KCNH8: variants seen among roughly 807,000 people sequenced by gnomAD.
KCNH8 encodes voltage-gated delayed rectifier potassium channel KCNH8.
In KCNH8, 70 loss-of-function variants were observed where a neutral mutation model predicts 103.6. The observed-to-expected ratio is 0.68, with a 90% CI of 0.56 to 0.82. The LOEUF (loss-of-function observed/expected upper bound fraction) is 0.82. Ranked by LOEUF, KCNH8 falls within the 40% of genes least tolerant of loss-of-function variation. The pLI, the probability that KCNH8 is intolerant of heterozygous loss-of-function variation, is 0.00. For synonymous variants in KCNH8, 498 were observed against 489.4 expected, an observed-to-expected ratio of 1.02 and a Z score of -0.23; for missense variants, 1,217 against 1,329.9, an observed-to-expected ratio of 0.92 and a Z score of 1.32.
chr3:19,435,942 G>A (rs2067192791), intron 7 of KCNH8, among the ~76,000 whole-genome samples: 1 of 152,046 alleles, frequency 6.6e-6, no homozygotes, highest in African/African-American at 2.4e-5. Context: ...GTAAACCAAA[G>A]TATATTATTG....
At chr3:19,419,550 T>C (rs1412585366) in intron 7 of KCNH8, among the ~76,000 whole-genome samples, 1 of 152,128 alleles carries the variant, frequency 6.6e-6, no homozygotes, top group East Asian at 1.9e-4. Context: ...ACTGCCAAAA[T>C]GTCTATGCTG....
At chr3:19,172,315 C>T (rs1368334279) in intron 1 of KCNH8, among the ~76,000 whole-genome samples, 2 of 152,052 alleles carry the variant, frequency 1.3e-5, no homozygotes, top group Non-Finnish European at 2.9e-5. Flanking sequence ...TTCTCTTCTC[C>T]ATAAGAATAC....
intron 11 of KCNH8, among the ~76,000 whole-genome samples, chr3:19,488,347 C>T (rs1008596486): frequency 9.9e-5 from 15 of 152,216 alleles, no homozygotes; most frequent in African/African-American, 3.4e-4. Context: ...GCCTGGTGTT[C>T]GGCTTTCTCA....
chr3:19,354,031 CAA>C (rs1489494870), intron 5 of KCNH8, among the ~76,000 whole-genome samples: 2 of 152,170 alleles, frequency 1.3e-5, no homozygotes, highest in East Asian at 1.9e-4. Flanking sequence ...GCAACTTCAG[CAA>C]AGTCTCAGAA....
At chr3:19,340,671 A>T (rs2065648464) in intron 3 of KCNH8, among the ~76,000 whole-genome samples, 1 of 152,164 alleles carries the variant, frequency 6.6e-6, no homozygotes, top group African/African-American at 2.4e-5. Context: ...TTTAAATGTT[A>T]AAACTTTTTA....
intron 2 of KCNH8, among the ~76,000 whole-genome samples, chr3:19,257,468 G>A (rs1198448212): frequency 2.6e-5 from 4 of 151,928 alleles, no homozygotes; most frequent in Non-Finnish European, 4.4e-5. Context: ...ACTCTAGCTT[G>A]TTGGCTTTAA....
At chr3:19,442,091 A>G (rs1369427978) in intron 8 of KCNH8, among the ~76,000 whole-genome samples, 2 of 152,214 alleles carry the variant, frequency 1.3e-5, no homozygotes, top group East Asian at 3.9e-4. Flanking sequence ...GGCTGCAGCA[A>G]CTGTAACAAG....
At chr3:19,316,767 A>G (rs1436193623) in intron 3 of KCNH8, among the ~76,000 whole-genome samples, 1 of 151,944 alleles carries the variant, frequency 6.6e-6, no homozygotes, top group Non-Finnish European at 1.5e-5. Context: ...TGGGAACCCT[A>G]TGAATTAGCT....
At chr3:19,428,351 TA>T (rs2125163382) in intron 7 of KCNH8, among the ~76,000 whole-genome samples, 1 of 152,328 alleles carries the variant, frequency 6.6e-6, no homozygotes, top group South Asian at 2.1e-4. Flanking sequence ...CGGTACCTCA[TA>T]ATGGAAAGTG....
At chr3:19,533,033 T>C (rs1249139562) in intron 15 of KCNH8, among the ~76,000 whole-genome samples, 1 of 151,812 alleles carries the variant, frequency 6.6e-6, no homozygotes, top group Non-Finnish European at 1.5e-5. Context: ...TGAAACCCCG[T>C]CTCTACTAAA....
Position 19,261,316 on chromosome 3 carries a change from T to C in KCNH8, c.310+7429T>C, listed in dbSNP as rs191380633. Among the ~76,000 whole-genome samples the C allele has an allele frequency of 4.1e-3, 630 of 151,978 alleles. 3 individuals are homozygous for C. Among genetic ancestry groups the C allele is most frequent in the African/African-American group, 0.014 (580 of 41,536 alleles). On this transcript the variant is annotated intron_variant, in intron 2 of 15. Coordinates refer to ENST00000328405, the MANE Select transcript of KCNH8 (RefSeq NM_144633.3). Reference sequence around the variant, plus strand: ...CCTAATGGTGTGAGATGATATTGCATAGTAGTTTTAATTTGCATTTCCCTG... The same window carrying C: ...CCTAATGGTGTGAGATGATATTGCACAGTAGTTTTAATTTGCATTTCCCTG...
chr3:19,468,110 A>G (rs1162639274), intron 11 of KCNH8, among the ~76,000 whole-genome samples: 1 of 151,970 alleles, frequency 6.6e-6, no homozygotes, highest in African/African-American at 2.4e-5. Flanking sequence ...GTCTTTTTTC[A>G]TGGCATTTAG....
intron 7 of KCNH8, among the ~76,000 whole-genome samples, chr3:19,412,909 G>A (rs893899343): frequency 6.6e-6 from 1 of 151,702 alleles, no homozygotes; most frequent in Non-Finnish European, 1.5e-5. Flanking sequence ...AAAGGAACAC[G>A]TTGGTGGCAA....
chr3:19,307,199 G>A (rs1043407441), intron 3 of KCNH8, among the ~76,000 whole-genome samples: 1 of 150,974 alleles, frequency 6.6e-6, no homozygotes, highest in Non-Finnish European at 1.5e-5. Context: ...CATCTCAACA[G>A]CAAAACAAAA....
At chr3:19,283,419 T>C (rs1383867195) in intron 3 of KCNH8, among the ~76,000 whole-genome samples, 1 of 152,204 alleles carries the variant, frequency 6.6e-6, no homozygotes, top group Non-Finnish European at 1.5e-5. Context: ...AAAACACTTT[T>C]AACATTAATT....
At chr3:19,167,900 G>A (rs540477629) in intron 1 of KCNH8, among the ~76,000 whole-genome samples, 1 of 152,076 alleles carries the variant, frequency 6.6e-6, no homozygotes, top group African/African-American at 2.4e-5. Context: ...TTTGTATTTA[G>A]TTCTATGCCA....
At chr3:19,327,314 C>T (rs1449878833) in intron 3 of KCNH8, among the ~76,000 whole-genome samples, 2 of 152,134 alleles carry the variant, frequency 1.3e-5, no homozygotes, top group Non-Finnish European at 2.9e-5. Flanking sequence ...AGTTTTGAGA[C>T]AGGTTCTCAC....
chr3:19,328,445 C>A (rs2065461335), intron 3 of KCNH8, among the ~76,000 whole-genome samples: 1 of 151,980 alleles, frequency 6.6e-6, no homozygotes, highest in Admixed American at 6.6e-5. Flanking sequence ...CCATGTATCC[C>A]CCACTACACA....
chr3:19,371,219 C>T (rs1257999284), intron 5 of KCNH8, among the ~76,000 whole-genome samples: 4 of 146,938 alleles, frequency 2.7e-5, no homozygotes, highest in African/African-American at 1.0e-4. Flanking sequence ...AGTTTACAGT[C>T]CCACCAACAG....
Sources: allele counts gnomAD v4.1 joint callset (sites outside exome capture counted in the v4.1 genomes callset), GRCh38; gene constraint gnomAD v4.1.1; transcripts MANE v1.5; gene names NCBI Gene and HGNC (gene_info 2026-07-23, HGNC 2026-07-21).